PGRMC1: variants seen among roughly 807,000 people sequenced by gnomAD.
The protein encoded by PGRMC1 is membrane-associated progesterone receptor component 1.
For synonymous variants in PGRMC1, 73 were observed against 77.3 expected (o/e 0.94, Z 0.29); for missense variants, 145 against 169.0 (o/e 0.86, Z 0.79).
chrX:119,240,314 C>A lies in PGRMC1; in HGVS notation c.334C>A (p.Pro112Thr). The part of the protein sequence containing the change: ...KGRKFYGPEG[P>T]YGVFAGRDAS... ...CTTTGGTTTTGTTTTTGAAGAGGGG[C>A]CGTATGGGGTCTTTGCTGGAAGAGA... Residue 112 changes from proline to threonine, a missense_variant, in exon 2 of 3, where the codon CCG (proline) becomes ACG (threonine). Transcript: ENST00000217971. 1 of 1,209,581 alleles carries A rather than the reference C, an allele frequency of 8.3e-7. No individual in the cohort carries two copies.
chrX:119,240,124 T>C (rs768400945), intron 1 of PGRMC1, among the ~76,000 whole-genome samples, 185 bp from the exon 2 acceptor site: 1 of 112,727 alleles, frequency 8.9e-6, no homozygotes, highest in South Asian at 3.7e-4. Context: ...AAAAGTTAAA[T>C]GACAACAGGT....
rs1930874012 is a variant in PGRMC1 at position 119,243,719 on chromosome X, T to C, written c.*465T>C. 6.4e-6 allele frequency: 1 copy of C among 156,325 alleles called. No homozygotes were observed. The highest frequency in any genetic ancestry group is 3.2e-5 in the African/African-American group (1 of 31,539). 12.9% of individuals were successfully genotyped at this position (156,325 alleles called of 1,213,427 possible). On this transcript the variant is annotated 3_prime_UTR_variant, in exon 3 of 3. Coordinates refer to ENST00000217971, the MANE Select transcript of PGRMC1 (RefSeq NM_006667.5). ...ATCTACCTCTAAAGCAAATCTGCAGTGTTCCAAAGACTTTGGTATGGATTA... is the reference window on the plus strand; with the variant it reads ...ATCTACCTCTAAAGCAAATCTGCAGCGTTCCAAAGACTTTGGTATGGATTA...
intron 1 of PGRMC1, among the ~76,000 whole-genome samples, chrX:119,239,654 C>G (rs56262919): frequency 0.14 from 15,798 of 110,841 alleles, 1,158 homozygotes; most frequent in Middle Eastern, 0.22. Context: ...AGTATTTTCA[C>G]AGTCTTCTCA....
intron 1 of PGRMC1, among the ~76,000 whole-genome samples, chrX:119,237,324 G>C (rs1448564388): frequency 9.1e-6 from 1 of 110,315 alleles, no homozygotes; most frequent in Non-Finnish European, 1.9e-5. Context: ...TGCATGCGCG[G>C]TGTGTGCGTG....
intron 1 of PGRMC1, among the ~76,000 whole-genome samples, chrX:119,236,946 G>A (rs1194122183): frequency 1.8e-5 from 2 of 112,467 alleles, no homozygotes; most frequent in Non-Finnish European, 3.8e-5. Context: ...CGCTGGGAGG[G>A]GGTTAGAGAA....
At chrX:119,242,686 A>C (rs1930846239) in intron 2 of PGRMC1, among the ~76,000 whole-genome samples, 2 of 111,539 alleles carry the variant, frequency 1.8e-5, no homozygotes. Context: ...CTAAATGTTA[A>C]CTCTACTCCT....
intron 1 of PGRMC1, among the ~76,000 whole-genome samples, chrX:119,239,272 T>C (rs951922713): frequency 8.9e-6 from 1 of 112,363 alleles, no homozygotes; most frequent in African/African-American, 3.2e-5. Context: ...CATTTTTCTT[T>C]GGAATTTTAC....
Position 119,243,588 on chromosome X carries a change from T to G in PGRMC1, c.*334T>G. ...TATTTCCCAAAACAGGTAAAAATCTTAAATGTGCACCAAGAGCAAAGGATC... is the reference window on the plus strand; with the variant it reads ...TATTTCCCAAAACAGGTAAAAATCTGAAATGTGCACCAAGAGCAAAGGATC... On this transcript the variant is annotated 3_prime_UTR_variant, in exon 3 of 3. Coordinates refer to ENST00000217971, the MANE Select transcript of PGRMC1 (RefSeq NM_006667.5). The G allele has an allele frequency of 4.3e-6, 1 of 231,373 alleles. No individual in the cohort carries two copies. The allele number at this position is 231,373 out of a possible 1,213,427, so 19.1% of individuals were successfully genotyped here. A position where few individuals can be genotyped will look rare whatever the true frequency, so the allele number is the denominator to read the frequency against.
intron 1 of PGRMC1, 106 bp from the exon 2 acceptor site, chrX:119,240,203 T>C: frequency 5.4e-6 from 4 of 737,102 alleles, no homozygotes; most frequent in East Asian, 3.2e-5. Flanking sequence ...AATTTGATAT[T>C]CAAAAATGGG....
At chrX:119,237,200 A>T (rs1267442531) in intron 1 of PGRMC1, among the ~76,000 whole-genome samples, 3 of 110,973 alleles carry the variant, frequency 2.7e-5, no homozygotes, top group African/African-American at 9.9e-5. Flanking sequence ...GGCCAATGAC[A>T]CCGGGAGTAG....
Position 119,236,590 on chromosome X carries a change from C to T in PGRMC1, c.227C>T (p.Ala76Val), listed in dbSNP as rs1253238431. 2.5e-6 allele frequency: 3 copies of T among 1,206,399 alleles called. No homozygotes were observed. Among genetic ancestry groups the T allele is most frequent in the Admixed American group, 4.4e-5 (2 of 45,722 alleles). The change falls in exon 1 of 3, where the codon GCC becomes GTC. Residue 76 changes from alanine to valine, a missense_variant. Physicochemically the swap from Ala to Val is moderately conservative, Grantham distance 64. Transcript: ENST00000217971. ...PRLKRRDFTP[A>V]ELRRFDGVQD... The stretch of plus-strand genomic sequence containing the variant: ...CTCAAGCGGCGCGACTTCACCCCCG[C>T]CGAGCTGCGGCGCTTCGACGGCGTC...
chrX:119,238,734 GTC>G (rs1930753287), intron 1 of PGRMC1, among the ~76,000 whole-genome samples: 1 of 111,987 alleles, frequency 8.9e-6, no homozygotes, highest in Admixed American at 9.4e-5. Flanking sequence ...TGAGATCTCT[GTC>G]TCTATCTTGC....
chrX:119,238,972 G>T (rs1222835199), intron 1 of PGRMC1, among the ~76,000 whole-genome samples: 3 of 112,316 alleles, frequency 2.7e-5, no homozygotes, highest in Non-Finnish European at 5.6e-5. Flanking sequence ...ATTTTTAAAA[G>T]ACTTTTAATG....
In PGRMC1 at chrX:119,236,709, G is replaced by T; in HGVS notation, c.328+18G>T. ...CGGGCCCGGTACGCGGCCGGCGAGG[G>T]GGGCTTGGAGACAAAAGAAGGGGGC... is the stretch of plus-strand genomic sequence containing the variant. On this transcript the variant is annotated intron_variant, in intron 1 of 2. Transcript: ENST00000217971. 8.7e-7 allele frequency: 1 copy of T among 1,145,111 alleles called. No homozygotes were observed. Among genetic ancestry groups the T allele is most frequent in the Non-Finnish European group, 1.2e-6 (1 of 857,518 alleles). 94.4% of individuals were successfully genotyped at this position (1,145,111 alleles called of 1,213,427 possible).
intron 1 of PGRMC1, among the ~76,000 whole-genome samples, chrX:119,239,239 A>C (rs1267263480): frequency 8.9e-6 from 1 of 112,191 alleles, no homozygotes; most frequent in African/African-American, 3.2e-5. Flanking sequence ...ATGTGGCAGC[A>C]TGTAATGATG....
intron 2 of PGRMC1, among the ~76,000 whole-genome samples, chrX:119,241,558 C>G (rs1278902295): frequency 8.9e-6 from 1 of 111,998 alleles, no homozygotes; most frequent in Non-Finnish European, 1.9e-5. Flanking sequence ...TAGGGCTTGC[C>G]TTCATCAGTG....
At chrX:119,240,138 T>A (rs1272951162) in intron 1 of PGRMC1, among the ~76,000 whole-genome samples, 171 bp from the exon 2 acceptor site, 3 of 112,697 alleles carry the variant, frequency 2.7e-5, no homozygotes, top group Non-Finnish European at 5.6e-5. Context: ...AACAGGTCTT[T>A]CTGTGTCTCC....
chrX:119,236,330 T>G lies in PGRMC1; in HGVS notation c.-34T>G, dbSNP rs765245118. On this transcript the variant is annotated 5_prime_UTR_variant, in exon 1 of 3. Coordinates refer to ENST00000217971, the MANE Select transcript of PGRMC1 (RefSeq NM_006667.5). ...GAGAAAGTGGCGAGTTCCGGATCCC[T>G]GCCTAGCGCGGCCCAACCTTTACTC... 1 of 1,167,702 alleles carries G rather than the reference T, an allele frequency of 8.6e-7. No homozygotes were observed. The highest frequency in any genetic ancestry group is 1.2e-6 in the Non-Finnish European group (1 of 859,236).
chrX:119,240,397 C>T lies in PGRMC1; in HGVS notation c.417C>T (p.Tyr139=). 4 of 1,207,198 alleles carry T rather than the reference C, an allele frequency of 3.3e-6. No individual in the cohort carries two copies. The highest frequency in any genetic ancestry group is 1.7e-5 in the African/African-American group (1 of 57,718). The part of the protein sequence containing the change: ...CLDKEALKDE[Y]DDLSDLTAAQ... Reference sequence around the variant, plus strand: ...ATAAGGAAGCACTGAAGGATGAGTACGATGACCTTTCTGACCTCACTGCTG... The same window carrying T: ...ATAAGGAAGCACTGAAGGATGAGTATGATGACCTTTCTGACCTCACTGCTG... The change falls in exon 2 of 3, where the codon TAC becomes TAT. Residue 139 remains tyrosine, a synonymous_variant. Coordinates refer to ENST00000217971, the MANE Select transcript of PGRMC1 (RefSeq NM_006667.5).
Sources: allele counts gnomAD v4.1 joint callset (sites outside exome capture counted in the v4.1 genomes callset), GRCh38; gene constraint gnomAD v4.1.1; transcripts MANE v1.5; gene names NCBI Gene and HGNC (gene_info 2026-07-23, HGNC 2026-07-21).